Variants in ADCYAP1R1 observed in about 807,000 individuals in gnomAD.
The protein encoded by ADCYAP1R1 is ADCYAP receptor type I.
A neutral mutation model predicts 67.6 loss-of-function variants in ADCYAP1R1; 44 were observed. That is an observed-to-expected ratio of 0.65 (90% CI 0.51 to 0.84). The LOEUF is 0.84. ADCYAP1R1 is among the 40% of genes least tolerant of loss of function. The pLI is 0.00. For synonymous variants in ADCYAP1R1, 222 were observed against 219.6 expected (o/e 1.01, Z -0.10); for missense variants, 477 against 587.9 (o/e 0.81, Z 1.95).
rs187038509 is a variant in ADCYAP1R1, at chr7:31,099,978, G to A, written c.1047-3259G>A. The A allele has an allele frequency of 3.7e-4, 266 of 725,284 alleles. No individual in the cohort carries two copies. The East Asian group carries it at 5.2e-3, about 14-fold the overall frequency. 44.9% of individuals were successfully genotyped at this position (725,284 alleles called of 1,614,324 possible). A position where few individuals can be genotyped will look rare whatever the true frequency, so the allele number is the denominator to read the frequency against. On this transcript the variant is annotated intron_variant, in intron 13 of 15. Coordinates refer to ENST00000304166, the MANE Select transcript of ADCYAP1R1 (RefSeq NM_001118.5). ...CGTTTCTCTGTCCAGAGCTGCCCAT[G>A]TCTTGGCCCTTGGCTCCCTCATTCT...
intron 1 of ADCYAP1R1, among the ~76,000 whole-genome samples, chr7:31,054,178 A>T (rs1274713487): frequency 6.6e-6 from 1 of 152,090 alleles, no homozygotes; most frequent in East Asian, 1.9e-4. Flanking sequence ...CTTCCAACTG[A>T]TCCATCAACA....
chr7:31,092,112 C>A (rs1204055739), intron 12 of ADCYAP1R1, among the ~76,000 whole-genome samples: 1 of 148,100 alleles, frequency 6.8e-6, no homozygotes, highest in Non-Finnish European at 1.5e-5. Context: ...TGCTTCCCTT[C>A]CTCCTCCTTT....
chr7:31,077,418 GTGTGTGTGGTGTATATGTGTGAT>G, intron 3 of ADCYAP1R1, among the ~76,000 whole-genome samples: 1 of 58,922 alleles, frequency 1.7e-5, no homozygotes, highest in East Asian at 3.9e-4. Context: ...TGTGTGTGAT[GTGTGTGTGGTGTATATGTGTGAT>G]TGTGTGTGGT....
chr7:31,057,797 G>T (rs541130672), intron 1 of ADCYAP1R1, among the ~76,000 whole-genome samples: 21 of 152,302 alleles, frequency 1.4e-4, no homozygotes, highest in African/African-American at 4.8e-4. Flanking sequence ...AGTAGGGGCG[G>T]TCCAGCTCCC....
Position 31,055,860 on chromosome 7 carries a change from A to T in ADCYAP1R1, c.-72+3182A>T, listed in dbSNP as rs568645164. Among the ~76,000 whole-genome samples, 7 of 152,326 alleles carry T rather than the reference A, an allele frequency of 4.6e-5. No homozygotes were observed. The South Asian group carries it at 6.2e-4, about 14-fold the overall frequency. On this transcript the variant is annotated intron_variant, in intron 1 of 15. Transcript: ENST00000304166. Reference sequence around the variant, plus strand: ...CCCATCTGTTTAATGGGTCAGGCCTAGGAGAGGGTCCCTGCCTGGCCTCAG... The same window carrying T: ...CCCATCTGTTTAATGGGTCAGGCCTTGGAGAGGGTCCCTGCCTGGCCTCAG...
rs1415219117 is a variant in ADCYAP1R1 at position 31,084,308 on chromosome 7, G to C, written c.438+58G>C. The C allele has an allele frequency of 1.3e-5, 19 of 1,458,850 alleles. No individual in the cohort carries two copies. In the East Asian group the frequency reaches 3.6e-4, roughly 28 times the overall value. 90.4% of individuals were successfully genotyped at this position (1,458,850 alleles called of 1,614,324 possible). A position where few individuals can be genotyped will look rare whatever the true frequency, so the allele number is the denominator to read the frequency against. On this transcript the variant is annotated intron_variant, in intron 7 of 15. Transcript: ENST00000304166. Reference sequence around the variant, plus strand: ...TGAGGGTAGGGCTGAGGAAATTTAGGTCAGTAGGCAGCATTCATGAGCACC... The same window carrying C: ...TGAGGGTAGGGCTGAGGAAATTTAGCTCAGTAGGCAGCATTCATGAGCACC...
Position 31,064,922 on chromosome 7 carries a change from A to G in ADCYAP1R1, c.143A>G (p.Asn48Ser), listed in dbSNP as rs147771998. 5.3e-5 allele frequency: 85 copies of G among 1,609,560 alleles called. 1 individual carries two copies. Among genetic ancestry groups the G allele is most frequent in the East Asian group, 6.7e-5 (3 of 44,818 alleles). ...AGGGCCAATGAGCTGATGGGCTTCAATGATTCCTCTCCAGGTGAGCGGGGC... is the reference window on the plus strand; with the variant it reads ...AGGGCCAATGAGCTGATGGGCTTCAGTGATTCCTCTCCAGGTGAGCGGGGC... Reference protein sequence around the residue: ...IQRANELMGFNDSSPGCPGMW... With the variant: ...IQRANELMGFSDSSPGCPGMW... Residue 48 changes from asparagine (N) to serine (S), a missense_variant, in exon 3 of 16, where the codon AAT becomes AGT. Coordinates refer to ENST00000304166, the MANE Select transcript of ADCYAP1R1 (RefSeq NM_001118.5).
chr7:31,063,365 C>G (rs1794592218), intron 2 of ADCYAP1R1, 50 bp downstream of exon 2: 32 of 1,603,454 alleles, frequency 2.0e-5, no homozygotes, highest in Non-Finnish European at 2.7e-5. Flanking sequence ...ACCTGAGTCC[C>G]CGCTCCAGAG....
chr7:31,061,456 A>G (rs1428160852), intron 1 of ADCYAP1R1, among the ~76,000 whole-genome samples: 2 of 152,140 alleles, frequency 1.3e-5, no homozygotes, highest in African/African-American at 4.8e-5. Flanking sequence ...TGGTACAGAG[A>G]CGGAAGCCTG....
At chr7:31,057,313 C>T (rs551483368) in intron 1 of ADCYAP1R1, among the ~76,000 whole-genome samples, 2 of 152,162 alleles carry the variant, frequency 1.3e-5, no homozygotes, top group Non-Finnish European at 1.5e-5. Context: ...AGGAGAGGTC[C>T]CTGCACCATC....
intron 12 of ADCYAP1R1, 116 bp from the exon 13 acceptor site, chr7:31,092,528 C>T: frequency 1.4e-6 from 1 of 731,604 alleles, no homozygotes; most frequent in Admixed American, 2.5e-5. Flanking sequence ...ACACCGCCAT[C>T]TTGGATTAGA....
intron 12 of ADCYAP1R1, among the ~76,000 whole-genome samples, chr7:31,088,300 A>T (rs961289869): frequency 2.0e-5 from 3 of 152,228 alleles, no homozygotes; most frequent in African/African-American, 7.2e-5. Context: ...TTTAAAGGAT[A>T]GTTAACACTT....
intron 13 of ADCYAP1R1, among the ~76,000 whole-genome samples, chr7:31,101,903 G>A (rs552546706): frequency 3.9e-5 from 6 of 152,344 alleles, no homozygotes; most frequent in Non-Finnish European, 5.9e-5. Context: ...TCTGTGAGCA[G>A]GGCGGAAAGG....
chr7:31,084,728 C>A lies in ADCYAP1R1; in HGVS notation c.439-9C>A. The stretch of plus-strand genomic sequence containing the variant: ...CATGAAGTCCTGCATGTCCTGTGCT[C>A]TGCTTCAGGATTATTACTACCTGTC... On this transcript the variant is annotated splice_polypyrimidine_tract_variant and intron_variant, in intron 7 of 15. Coordinates refer to ENST00000304166, the MANE Select transcript of ADCYAP1R1 (RefSeq NM_001118.5). 1 of 1,609,938 alleles carries A rather than the reference C, an allele frequency of 6.2e-7. No homozygotes were observed. Among genetic ancestry groups the A allele is most frequent in the South Asian group, 1.1e-5 (1 of 91,006 alleles).
intron 13 of ADCYAP1R1, among the ~76,000 whole-genome samples, chr7:31,096,052 C>T (rs1054221443): frequency 2.0e-5 from 3 of 152,062 alleles, no homozygotes; most frequent in South Asian, 2.1e-4. Context: ...CATTAAGCCT[C>T]GGGTAGGTCA....
At chr7:31,085,469 G>A (rs1024061225) in intron 9 of ADCYAP1R1, 27 bp downstream of exon 9, 17 of 1,605,398 alleles carry the variant, frequency 1.1e-5, no homozygotes, top group African/African-American at 2.7e-5. Context: ...GACCCATTAG[G>A]GCTCTGCCGG....
chr7:31,111,161 TTCC>T lies in ADCYAP1R1; in HGVS notation c.*4479_*4481del, dbSNP rs1796849255. On this transcript the variant is annotated 3_prime_UTR_variant, in exon 16 of 16. Transcript: ENST00000304166. ...GATCTGGGACATTTTGGTGTGCCCA[TTCC>T]TTCTTTTCCTGAACTCACAGTCTTG... 1 of 152,206 alleles carries T rather than the reference TTCC, an allele frequency of 6.6e-6. No homozygotes were observed. Among genetic ancestry groups the T allele is most frequent in the South Asian group, 2.1e-4 (1 of 4,826 alleles). 9.4% of individuals were successfully genotyped at this position (152,206 alleles called of 1,614,324 possible). A position where few individuals can be genotyped will look rare whatever the true frequency, so the allele number is the denominator to read the frequency against.
At chr7:31,061,343 TC>T (rs3837113) in intron 1 of ADCYAP1R1, among the ~76,000 whole-genome samples, 4,967 of 152,282 alleles carry the variant, frequency 0.033, 137 homozygotes, top group South Asian at 0.079. Context: ...AGCCTTGGGT[TC>T]CCCAGGGCTG....
At chr7:31,082,724 G>T (rs1414211907) in intron 6 of ADCYAP1R1, among the ~76,000 whole-genome samples, 1 of 152,224 alleles carries the variant, frequency 6.6e-6, no homozygotes, top group East Asian at 1.9e-4. Context: ...CTGTGGGACA[G>T]AAGTGAGCTC....
Sources: gnomAD v4.1 joint callset for allele counts (sites outside exome capture counted in the v4.1 genomes callset) on GRCh38, gnomAD v4.1.1 for gene constraint, MANE v1.5 for transcripts, NCBI Gene and HGNC (gene_info 2026-07-23, HGNC 2026-07-21) for gene names.